Variants in TPRA1 observed in about 807,000 individuals in gnomAD.
TPRA1 encodes transmembrane protein adipocyte-associated 1.
A neutral mutation model predicts 40.1 loss-of-function variants in TPRA1; 28 were observed. That is an observed-to-expected ratio of 0.70 (90% CI 0.52 to 0.96). The LOEUF (loss-of-function observed/expected upper bound fraction) is 0.96. Among genes scored for constraint, TPRA1 ranks in the 40% least tolerant of loss-of-function variants. The pLI is 0.00. For missense variants in TPRA1, 441 were observed against 482.6 expected, an observed-to-expected ratio of 0.91 and a Z score of 0.81; for synonymous variants, 219 against 209.7, an observed-to-expected ratio of 1.04 and a Z score of -0.38.
intron 1 of TPRA1, among the ~76,000 whole-genome samples, chr3:127,584,367 A>T (rs968296442): frequency 7.0e-6 from 1 of 142,376 alleles, no homozygotes; most frequent in East Asian, 2.3e-4. Context: ...ACTTGAGCCC[A>T]GGAGCTCCAG....
At chr3:127,595,764 T>C (rs1345941967) in intron 1 of TPRA1, 1 of 152,240 alleles carries the variant, frequency 6.6e-6, no homozygotes, top group Admixed American at 6.5e-5. Flanking sequence ...CCTCTCTCTC[T>C]TGTTCGCTTG....
Position 127,579,865 on chromosome 3 carries a change from A to G in TPRA1, c.133T>C (p.Tyr45His). The G allele has an allele frequency of 6.2e-7, 1 of 1,613,722 alleles. No individual in the cohort carries two copies. The highest frequency in any genetic ancestry group is 1.7e-5 in the Admixed American group (1 of 60,014). Residue 45 changes from tyrosine (Y) to histidine (H), a missense_variant, in exon 3 of 11, where the codon TAC becomes CAC. Tyr to His is a moderately conservative substitution (Grantham distance 83). Coordinates refer to ENST00000355552, the MANE Select transcript of TPRA1 (RefSeq NM_001136053.4). The part of the protein sequence containing the change: ...YEDIGTSRVR[Y>H]WDLLLLIPNV... ...GGGATGAGCAGCAAGAGGTCCCAGT[A>G]CCGGACCCTGGCGGATGGGCACAGG...
intron 10 of TPRA1, among the ~76,000 whole-genome samples, chr3:127,574,168 C>T (rs932544653): frequency 1.3e-5 from 2 of 152,254 alleles, no homozygotes; most frequent in Non-Finnish European, 2.9e-5. Flanking sequence ...ATGTTACCAC[C>T]CACTCCACTC....
At chr3:127,583,160 A>T (rs1369373977) in intron 1 of TPRA1, among the ~76,000 whole-genome samples, 2 of 151,614 alleles carry the variant, frequency 1.3e-5, no homozygotes, top group African/African-American at 4.9e-5. Flanking sequence ...AAAAAAAAAA[A>T]AAATTAGCCA....
intron 1 of TPRA1, among the ~76,000 whole-genome samples, chr3:127,596,168 C>T (rs895753384): frequency 1.3e-5 from 2 of 152,206 alleles, no homozygotes; most frequent in Admixed American, 6.5e-5. Context: ...CAACCTCCAC[C>T]TCCAGTGTTC....
rs1261192144 is a variant in TPRA1, at chr3:127,576,344, A to G, written c.498+273T>C. On this transcript the variant is annotated intron_variant, in intron 6 of 10. Coordinates refer to ENST00000355552, the MANE Select transcript of TPRA1 (RefSeq NM_001136053.4). This position sits in a 1 kb window ranked among gnomAD's most constrained non-coding sequence, Gnocchi z 4.6. ...AGGGGCCTCTAGATGCATGCTTCTC[A>G]GGGGGGTCTGCGGACCTGCACCATC... 6.6e-6 allele frequency among the ~76,000 whole-genome samples: 1 copy of G among 152,120 alleles called. No homozygotes were observed. The highest frequency in any genetic ancestry group is 1.5e-5 in the Non-Finnish European group (1 of 68,004).
Position 127,575,755 on chromosome 3 carries a change from G to C in TPRA1, c.664C>G (p.Leu222Val). Residue 222 changes from leucine (L) to valine (V), a missense_variant, in exon 8 of 11, where the codon CTG becomes GTG. Leu to Val is a conservative substitution (Grantham distance 32). Transcript: ENST00000355552. ...PKTPLKERIS[L>V]PSRRSFYVYA... ...CCGCCGGCCAGCTGCTCACAAGGCA[G>C]GGAGATGCGCTCCTTCAGCGGGGTC... The C allele has an allele frequency of 6.2e-7, 1 of 1,613,616 alleles. No individual in the cohort carries two copies. Among genetic ancestry groups the C allele is most frequent in the Non-Finnish European group, 8.5e-7 (1 of 1,179,936 alleles).
chr3:127,581,070 G>A (rs564395296), intron 1 of TPRA1, among the ~76,000 whole-genome samples: 17 of 152,306 alleles, frequency 1.1e-4, no homozygotes, highest in South Asian at 2.1e-4. Context: ...GGGTCTGGTC[G>A]GAAAACCAAG....
Position 127,576,928 on chromosome 3 carries a change from C to T in TPRA1, c.346-35G>A, listed in dbSNP as rs1392319100. The T allele has an allele frequency of 6.2e-7, 1 of 1,613,510 alleles. No homozygotes were observed. The highest frequency in any genetic ancestry group is 1.3e-5 in the African/African-American group (1 of 74,918). ...GAGTGGGCACAGCGTCAGCCTGGAC[C>T]AGCATCCCCAGCCCACCCCAGGCCA... On this transcript the variant is annotated intron_variant, in intron 4 of 10. Transcript: ENST00000355552. The surrounding 1 kb of genome is among the most constrained non-coding windows in gnomAD (Gnocchi z 4.6).
intron 1 of TPRA1, among the ~76,000 whole-genome samples, chr3:127,597,151 T>C (rs777453146): frequency 6.6e-6 from 1 of 151,896 alleles, no homozygotes; most frequent in Non-Finnish European, 1.5e-5. Context: ...AAACATCTTG[T>C]ATTTCCAGTT....
At chr3:127,579,625 T>A (rs188307940) in intron 3 of TPRA1, 115 bp downstream of exon 3, 2 of 1,203,878 alleles carry the variant, frequency 1.7e-6, no homozygotes, top group Admixed American at 4.4e-5. Context: ...AACGATATCA[T>A]TTAACTGCCT....
At chr3:127,582,203 G>A (rs1401193789) in intron 1 of TPRA1, among the ~76,000 whole-genome samples, 4 of 152,156 alleles carry the variant, frequency 2.6e-5, no homozygotes, top group Non-Finnish European at 4.4e-5. Flanking sequence ...TGAAGGGGGC[G>A]GGCCATGGGC....
chr3:127,582,942 G>A (rs1452296389), intron 1 of TPRA1, among the ~76,000 whole-genome samples: 2 of 151,904 alleles, frequency 1.3e-5, no homozygotes, highest in African/African-American at 2.4e-5. Flanking sequence ...TCAGGAGTTC[G>A]AGACCACCCT....
At position 127,577,013 on chromosome 3, in the gene TPRA1, T is replaced by A; in HGVS notation, c.322A>T (p.Asn108Tyr). 6.2e-7 allele frequency: 1 copy of A among 1,613,720 alleles called. No individual in the cohort carries two copies. Among genetic ancestry groups the A allele is most frequent in the Non-Finnish European group, 8.5e-7 (1 of 1,180,004 alleles). Residue 108 changes from asparagine to tyrosine, a missense_variant, in exon 4 of 11, where the codon AAC (asparagine) becomes TAC (tyrosine). Transcript: ENST00000355552. Reference protein sequence around the residue: ...AVVSMTVSTSNAATVADKILW... With the variant: ...AVVSMTVSTSYAATVADKILW... ...ACCTTATCAGCAACAGTTGCAGCGT[T>A]CGAGGTGCTCACCGTCATGGATACC...
intron 1 of TPRA1, among the ~76,000 whole-genome samples, chr3:127,586,661 C>A (rs891946386): frequency 1.3e-5 from 2 of 152,174 alleles, no homozygotes; most frequent in African/African-American, 4.8e-5. Flanking sequence ...GACCAGCTAT[C>A]CCCACCCCTA....
chr3:127,575,423 G>C lies in TPRA1; in HGVS notation c.753C>G (p.Phe251Leu). ...CGCACCAGAGCCCCTCGATGATGTC[G>C]AAGCACAGCAGCACACTCCCCAGCC... ...LQGLGSVLLCFDIIEGLCCVD... is the reference protein window; with the variant it reads ...LQGLGSVLLCLDIIEGLCCVD... Residue 251 changes from phenylalanine to leucine, a missense_variant, in exon 9 of 11, where the codon TTC becomes TTG. By Grantham distance (22) the Phe-to-Leu change is conservative. Coordinates refer to ENST00000355552, the MANE Select transcript of TPRA1 (RefSeq NM_001136053.4). 1 of 1,596,910 alleles carries C rather than the reference G, an allele frequency of 6.3e-7. No individual in the cohort carries two copies. Among genetic ancestry groups the C allele is most frequent in the Non-Finnish European group, 8.5e-7 (1 of 1,171,902 alleles).
chr3:127,576,752 G>C lies in TPRA1; in HGVS notation c.419-56C>G. 1 of 1,611,900 alleles carries C rather than the reference G, an allele frequency of 6.2e-7. No individual in the cohort carries two copies. The highest frequency in any genetic ancestry group is 8.5e-7 in the Non-Finnish European group (1 of 1,178,986). On this transcript the variant is annotated intron_variant, in intron 5 of 10. Transcript: ENST00000355552. The surrounding 1 kb of genome is among the most constrained non-coding windows in gnomAD (Gnocchi z 4.6). Reference sequence around the variant, plus strand: ...AGCCAGCCCAGGTGACCACTCCAGAGTCAGCCCACAGCCAGGGAGGGGCAG... The same window carrying C: ...AGCCAGCCCAGGTGACCACTCCAGACTCAGCCCACAGCCAGGGAGGGGCAG...
chr3:127,592,707 G>A (rs554531063), upstream of TPRA1, among the ~76,000 whole-genome samples: 187 of 152,314 alleles, frequency 1.2e-3, no homozygotes, highest in African/African-American at 4.4e-3. Context: ...TTTAATGAGC[G>A]CCTGGGTGCA....
rs757478577 is a variant in TPRA1, at chr3:127,573,479, C to A, written c.*42G>T. The A allele has an allele frequency of 2.5e-6, 4 of 1,575,472 alleles. No individual in the cohort carries two copies. Among genetic ancestry groups the A allele is most frequent in the Non-Finnish European group, 2.6e-6 (3 of 1,159,434 alleles). On this transcript the variant is annotated 3_prime_UTR_variant, in exon 11 of 11. Transcript: ENST00000355552. ...CCCCTGGGGACTCTGGGCCTGCTGG[C>A]CTCCTCTCTGGCCTGTCCTCCACAG...
Sources: allele counts gnomAD v4.1 joint callset (sites outside exome capture counted in the v4.1 genomes callset), GRCh38; gene constraint gnomAD v4.1.1; non-coding constraint Gnocchi (gnomAD v3.1); transcripts MANE v1.5; gene names NCBI Gene and HGNC (gene_info 2026-07-23, HGNC 2026-07-21).